The following BBS9 variants were observed in gnomAD, a reference collection of about 807,000 sequenced individuals.
The protein encoded by BBS9 is protein PTHB1.
BBS9 carries 89 observed loss-of-function variants against 117.7 expected under a neutral mutation model. The ratio of observed to expected loss-of-function variants is 0.76; its 90% confidence interval spans 0.64 to 0.90. BBS9 has a LOEUF of 0.90. Ranked by LOEUF, BBS9 falls within the 40% of genes least tolerant of loss-of-function variation. The probability of loss-of-function intolerance (pLI) is 0.00; values close to 1 mark genes in which losing one functional copy is unlikely to be tolerated. For synonymous variants in BBS9, 379 were observed against 370.9 expected (o/e 1.02, Z -0.25); for missense variants, 982 against 1,042.2 (o/e 0.94, Z 0.80).
chr7:33,496,567 A>G (rs1844747499), intron 19 of BBS9, among the ~76,000 whole-genome samples: 1 of 152,152 alleles, frequency 6.6e-6, no homozygotes, highest in Non-Finnish European at 1.5e-5. Flanking sequence ...AATGCATGTT[A>G]AAGGGGAGTC....
chr7:33,375,208 A>G (rs1437170946), intron 17 of BBS9, among the ~76,000 whole-genome samples: 2 of 152,184 alleles, frequency 1.3e-5, no homozygotes, highest in African/African-American at 2.4e-5. Flanking sequence ...AATTTATTTT[A>G]TCTGGAAACT....
In BBS9 at chr7:33,155,635, C is replaced by G. The variant is rs1406946706; in HGVS notation, c.264-3C>G. On this transcript the variant is annotated splice_region_variant and splice_polypyrimidine_tract_variant and intron_variant, in intron 3 of 22. Transcript: ENST00000242067. ...AACTTTAAAAACTTTCTCTGTTTTT[C>G]AGAGGTACCGAAATGCTACATTTGG... The G allele has an allele frequency of 6.3e-7, 1 of 1,592,274 alleles. No homozygotes were observed. Among genetic ancestry groups the G allele is most frequent in the Non-Finnish European group, 8.6e-7 (1 of 1,162,288 alleles).
chr7:33,491,484 A>G (rs1371542072), intron 19 of BBS9, among the ~76,000 whole-genome samples: 5 of 152,338 alleles, frequency 3.3e-5, no homozygotes, highest in South Asian at 2.1e-4. Context: ...ATGTTCTGCT[A>G]GTAATATTAA....
intron 19 of BBS9, among the ~76,000 whole-genome samples, chr7:33,495,363 T>C (rs1268771347): frequency 2.6e-5 from 4 of 152,228 alleles, no homozygotes; most frequent in Non-Finnish European, 5.9e-5. Context: ...TCACTGGAGA[T>C]GGCACTCGAG....
intron 5 of BBS9, among the ~76,000 whole-genome samples, chr7:33,252,553 G>A (rs1796380975): frequency 6.6e-6 from 1 of 152,086 alleles, no homozygotes; most frequent in Non-Finnish European, 1.5e-5. Flanking sequence ...AAGTTCCTAG[G>A]TGATGCAAAT....
chr7:33,590,701 G>A (rs956442250), intron 21 of BBS9, among the ~76,000 whole-genome samples: 5 of 151,696 alleles, frequency 3.3e-5, no homozygotes, highest in Admixed American at 2.0e-4. Context: ...TATAACACTT[G>A]TGTATCATTT....
chr7:33,537,851 G>T (rs572604030), intron 21 of BBS9, among the ~76,000 whole-genome samples: 2 of 152,288 alleles, frequency 1.3e-5, no homozygotes, highest in Non-Finnish European at 2.9e-5. Flanking sequence ...ATGTATACAT[G>T]AGTGGGCCTA....
intron 20 of BBS9, among the ~76,000 whole-genome samples, chr7:33,528,530 T>C (rs1466055772): frequency 6.6e-6 from 1 of 152,220 alleles, no homozygotes; most frequent in African/African-American, 2.4e-5. Flanking sequence ...AGGATATTAC[T>C]TGGAAATTTA....
At chr7:33,435,114 A>T (rs1835104147) in intron 19 of BBS9, among the ~76,000 whole-genome samples, 1 of 152,178 alleles carries the variant, frequency 6.6e-6, no homozygotes, top group South Asian at 2.1e-4. Flanking sequence ...ATTTAGGTAT[A>T]ATAAATACCG....
At chr7:33,418,855 A>G (rs952652948) in intron 19 of BBS9, among the ~76,000 whole-genome samples, 11 of 152,222 alleles carry the variant, frequency 7.2e-5, no homozygotes, top group African/African-American at 2.7e-4. Context: ...AAACATGCCA[A>G]TCAGATGGCA....
chr7:33,409,729 A>T (rs1333628404), intron 19 of BBS9, among the ~76,000 whole-genome samples: 1 of 152,080 alleles, frequency 6.6e-6, no homozygotes, highest in Non-Finnish European at 1.5e-5. Flanking sequence ...GTGGTAGCTC[A>T]TTGTGGTTTT....
chr7:33,485,753 A>T (rs1310108369), intron 19 of BBS9, among the ~76,000 whole-genome samples: 2 of 152,232 alleles, frequency 1.3e-5, no homozygotes, highest in Non-Finnish European at 2.9e-5. Context: ...GATATGGTCA[A>T]ATTAGTTGAC....
At chr7:33,568,122 T>A (rs1339786572) in intron 21 of BBS9, among the ~76,000 whole-genome samples, 3 of 152,212 alleles carry the variant, frequency 2.0e-5, no homozygotes, top group Non-Finnish European at 4.4e-5. Context: ...TTAATATGGT[T>A]ATCAGGCCCT....
chr7:33,149,327 T>C (rs1336159917), intron 2 of BBS9, among the ~76,000 whole-genome samples: 2 of 152,142 alleles, frequency 1.3e-5, no homozygotes, highest in Non-Finnish European at 2.9e-5. Context: ...GCAGGTCAAG[T>C]TGGGAGGTTG....
intron 21 of BBS9, among the ~76,000 whole-genome samples, chr7:33,612,881 C>G (rs969081945): frequency 2.1e-4 from 32 of 152,034 alleles, no homozygotes; most frequent in African/African-American, 7.0e-4. Flanking sequence ...AATTTTAGGC[C>G]TGGTCCTCTT....
At chr7:33,511,983 G>A (rs117634799) in intron 20 of BBS9, among the ~76,000 whole-genome samples, 2,585 of 152,292 alleles carry the variant, frequency 0.017, 26 homozygotes, top group Non-Finnish European at 0.026. Flanking sequence ...TCAGTATTAA[G>A]TCTGCCTTTG....
rs142069748 is a variant in BBS9 at position 33,515,384 on chromosome 7, T to C, written c.2298+9739T>C. On this transcript the variant is annotated intron_variant, in intron 20 of 22. Transcript: ENST00000242067. The stretch of plus-strand genomic sequence containing the variant: ...CATCGCTGTGTTTTTCCATGTAGCA[T>C]TGTCCCTCCCGTGTACTATAACGAG... Among the ~76,000 whole-genome samples the C allele has an allele frequency of 7.8e-4, 119 of 152,318 alleles. 6 individuals are homozygous for C. The highest frequency in any genetic ancestry group is 3.4e-3 in the Middle Eastern group (1 of 294).
chr7:33,466,887 T>C (rs1840241577), intron 19 of BBS9, among the ~76,000 whole-genome samples: 1 of 152,074 alleles, frequency 6.6e-6, no homozygotes, highest in South Asian at 2.1e-4. Context: ...GTGGAAATCT[T>C]GGAGGGAGAG....
intron 20 of BBS9, among the ~76,000 whole-genome samples, chr7:33,532,631 C>G (rs1186507854): frequency 1.3e-5 from 2 of 152,146 alleles, no homozygotes; most frequent in African/African-American, 4.8e-5. Flanking sequence ...TTACCTCCCA[C>G]TGGGTCCCTC....
Sources: allele counts gnomAD v4.1 joint callset (sites outside exome capture counted in the v4.1 genomes callset), GRCh38; gene constraint gnomAD v4.1.1; transcripts MANE v1.5; gene names NCBI Gene and HGNC (gene_info 2026-07-23, HGNC 2026-07-21).